The following GALNTL6 variants were observed in gnomAD, a reference collection of about 807,000 sequenced individuals.
GALNTL6 encodes the protein polypeptide N-acetylgalactosaminyltransferase like 6, also known as polypeptide N-acetylgalactosaminyltransferase-like 6.
Under a neutral mutation model 73.7 loss-of-function variants are expected in GALNTL6, and 46 were observed. The observed-to-expected ratio is 0.62, with a 90% confidence interval of 0.49 to 0.80. GALNTL6 has a LOEUF of 0.80. Ranked by LOEUF, GALNTL6 falls within the 30% of genes least tolerant of loss-of-function variation. GALNTL6 has a pLI of 0.00. For missense variants in GALNTL6, 604 were observed against 755.0 expected, an observed-to-expected ratio of 0.80 and a Z score of 2.34; for synonymous variants, 259 against 263.7, an observed-to-expected ratio of 0.98 and a Z score of 0.17.
intron 5 of GALNTL6, among the ~76,000 whole-genome samples, chr4:172,774,110 G>A (rs1207506436): frequency 3.3e-5 from 5 of 152,182 alleles, no homozygotes; most frequent in Admixed American, 3.3e-4. Flanking sequence ...TTTGCACAAC[G>A]AATTCAAGGA....
At chr4:173,003,369 C>T (rs919570833) in intron 10 of GALNTL6, among the ~76,000 whole-genome samples, 1 of 152,148 alleles carries the variant, frequency 6.6e-6, no homozygotes, top group Non-Finnish European at 1.5e-5. Context: ...GTGATACACA[C>T]TGAAGAACAG....
chr4:171,975,711 C>T (rs1483653184), intron 2 of GALNTL6, among the ~76,000 whole-genome samples: 1 of 152,164 alleles, frequency 6.6e-6, no homozygotes, highest in Non-Finnish European at 1.5e-5. Flanking sequence ...AGAACTTGCT[C>T]TATTTTAGGT....
intron 2 of GALNTL6, among the ~76,000 whole-genome samples, chr4:172,189,333 A>G (rs1013925678): frequency 2.6e-5 from 4 of 152,184 alleles, no homozygotes; most frequent in African/African-American, 9.7e-5. Flanking sequence ...ATAATTTAAT[A>G]TTACATAGAC....
chr4:172,482,086 C>T (rs946452243), intron 5 of GALNTL6, among the ~76,000 whole-genome samples: 6 of 152,204 alleles, frequency 3.9e-5, no homozygotes, highest in Non-Finnish European at 7.4e-5. Flanking sequence ...CTGGGGGACC[C>T]GGCGCCCCCT....
intron 2 of GALNTL6, among the ~76,000 whole-genome samples, chr4:172,199,953 C>A (rs1735901121): frequency 6.6e-6 from 1 of 152,066 alleles, no homozygotes; most frequent in Non-Finnish European, 1.5e-5. Context: ...TTGGAGGAAT[C>A]TAAGAGCCCT....
At chr4:172,548,684 A>T (rs1019724723) in intron 5 of GALNTL6, among the ~76,000 whole-genome samples, 2 of 152,200 alleles carry the variant, frequency 1.3e-5, no homozygotes, top group Non-Finnish European at 1.5e-5. Context: ...CCCAGCTAAG[A>T]CAACACAGTA....
chr4:172,987,146 A>C (rs1028271666), intron 10 of GALNTL6, among the ~76,000 whole-genome samples: 1 of 152,224 alleles, frequency 6.6e-6, no homozygotes, highest in African/African-American at 2.4e-5. Flanking sequence ...TTCATGTATT[A>C]GTCCATTCTC....
intron 5 of GALNTL6, among the ~76,000 whole-genome samples, chr4:172,540,052 T>TC (rs1491178738): frequency 1.1e-5 from 1 of 90,096 alleles, no homozygotes; most frequent in East Asian, 2.2e-4. Flanking sequence ...TCTTTCTTTC[T>TC]TTTTTTTTTT....
At chr4:172,247,653 C>A (rs1293396884) in intron 3 of GALNTL6, among the ~76,000 whole-genome samples, 1 of 152,132 alleles carries the variant, frequency 6.6e-6, no homozygotes, top group African/African-American at 2.4e-5. Context: ...AAATTTAAAC[C>A]AGCAGATGCC....
intron 2 of GALNTL6, among the ~76,000 whole-genome samples, chr4:172,049,489 C>G (rs963925207): frequency 1.3e-5 from 2 of 152,014 alleles, no homozygotes; most frequent in Non-Finnish European, 2.9e-5. Context: ...GATATTCTTA[C>G]TTAAATTATT....
At chr4:172,577,090 C>T (rs941584448) in intron 5 of GALNTL6, among the ~76,000 whole-genome samples, 1 of 152,146 alleles carries the variant, frequency 6.6e-6, no homozygotes, top group Non-Finnish European at 1.5e-5. Context: ...AGCCTTCCTT[C>T]CCTGGTCTCC....
chr4:171,940,697 A>G (rs1028602006), intron 2 of GALNTL6, among the ~76,000 whole-genome samples: 2 of 151,930 alleles, frequency 1.3e-5, no homozygotes, highest in African/African-American at 4.8e-5. Flanking sequence ...TGTGGCATGC[A>G]TCTATAATCC....
intron 2 of GALNTL6, among the ~76,000 whole-genome samples, chr4:171,846,411 A>G (rs922739735): frequency 6.6e-6 from 1 of 151,990 alleles, no homozygotes; most frequent in African/African-American, 2.4e-5. Flanking sequence ...CTTACCTACA[A>G]CCATGGCCAG....
intron 5 of GALNTL6, among the ~76,000 whole-genome samples, chr4:172,430,461 TATG>T (rs1561079690): frequency 6.6e-6 from 1 of 152,112 alleles, no homozygotes; most frequent in African/African-American, 2.4e-5. Flanking sequence ...TCAGTAGTGA[TATG>T]ATTCCCAGAA....
At chr4:172,191,768 T>G (rs567860504) in intron 2 of GALNTL6, among the ~76,000 whole-genome samples, 1 of 152,172 alleles carries the variant, frequency 6.6e-6, no homozygotes, top group Non-Finnish European at 1.5e-5. Flanking sequence ...CCCCCAGAAA[T>G]TAGGTTTTCC....
intron 2 of GALNTL6, among the ~76,000 whole-genome samples, chr4:172,180,986 A>G (rs1170932432): frequency 4.6e-5 from 7 of 152,068 alleles, no homozygotes; most frequent in Non-Finnish European, 1.0e-4. Flanking sequence ...TTTTTTTCCA[A>G]TTCTGTGAAG....
chr4:172,863,090 T>G (rs1037036370), intron 7 of GALNTL6, among the ~76,000 whole-genome samples: 10 of 152,216 alleles, frequency 6.6e-5, no homozygotes, highest in Admixed American at 6.5e-4. Context: ...GTTTGGAAAC[T>G]TCCACATAGA....
chr4:172,375,805 C>G (rs952924889), intron 5 of GALNTL6, among the ~76,000 whole-genome samples: 5 of 152,144 alleles, frequency 3.3e-5, no homozygotes, highest in African/African-American at 9.7e-5. Flanking sequence ...TTTAGTGGCC[C>G]TTACCAACGC....
chr4:172,785,155 T>C (rs1279122111), intron 5 of GALNTL6, among the ~76,000 whole-genome samples: 3 of 152,152 alleles, frequency 2.0e-5, no homozygotes, highest in African/African-American at 4.8e-5. Flanking sequence ...AAATTGATTA[T>C]ATAAAATACA....
Sources: allele counts gnomAD v4.1 joint callset (sites outside exome capture counted in the v4.1 genomes callset), GRCh38; gene constraint gnomAD v4.1.1; transcripts MANE v1.5; gene names NCBI Gene and HGNC (gene_info 2026-07-23, HGNC 2026-07-21).